The following COBL variants were observed in gnomAD, a reference collection of about 807,000 sequenced individuals.
COBL encodes cordon-bleu WH2 repeat protein, also known as protein cordon-bleu.
A neutral mutation model predicts 98.8 loss-of-function variants in COBL; 51 were observed. The ratio of observed to expected loss-of-function variants is 0.52; its 90% CI spans 0.41 to 0.65. COBL has a LOEUF of 0.65. COBL is among the 30% of genes least tolerant of loss of function. The pLI is 0.00. For synonymous variants in COBL, 634 were observed against 651.7 expected (o/e 0.97, Z 0.41); for missense variants, 1,617 against 1,617.5 (o/e 1.00, Z 0.01).
At chr7:51,130,578 C>G (rs1237638973) in intron 6 of COBL, among the ~76,000 whole-genome samples, 1 of 152,214 alleles carries the variant, frequency 6.6e-6, no homozygotes, top group Non-Finnish European at 1.5e-5. Flanking sequence ...AGAGAGGACA[C>G]TTGAGTCTGG....
intron 6 of COBL, among the ~76,000 whole-genome samples, chr7:51,114,181 C>A (rs1024541309): frequency 1.3e-5 from 2 of 152,084 alleles, no homozygotes; most frequent in African/African-American, 4.8e-5. Flanking sequence ...GAAGCTGGGG[C>A]GGCCCCTCCA....
At chr7:51,051,583 C>T (rs117617734) in intron 7 of COBL, among the ~76,000 whole-genome samples, 4 of 152,352 alleles carry the variant, frequency 2.6e-5, no homozygotes, top group Non-Finnish European at 5.9e-5. Flanking sequence ...AAATTGTCTA[C>T]CAACTCTTGG....
At chr7:51,066,393 G>C (rs1791928359) in intron 7 of COBL, among the ~76,000 whole-genome samples, 1 of 152,198 alleles carries the variant, frequency 6.6e-6, no homozygotes, top group South Asian at 2.1e-4. Flanking sequence ...GATATGAGCA[G>C]GGTTAGAGCC....
intron 7 of COBL, among the ~76,000 whole-genome samples, chr7:51,069,222 C>A (rs13243861): frequency 0.26 from 38,943 of 152,100 alleles, 6,021 homozygotes; most frequent in Non-Finnish European, 0.36. Context: ...AAGCGAAGGG[C>A]GCAGGGATGA....
chr7:51,263,961 A>G (rs1024102479), intron 1 of COBL, among the ~76,000 whole-genome samples: 3 of 152,190 alleles, frequency 2.0e-5, no homozygotes, highest in Non-Finnish European at 2.9e-5. Context: ...TAGTGTCCCA[A>G]CTAGTTTTCA....
chr7:51,298,721 T>C (rs762950880), intron 1 of COBL, among the ~76,000 whole-genome samples: 4 of 152,240 alleles, frequency 2.6e-5, no homozygotes, highest in Non-Finnish European at 5.9e-5. Flanking sequence ...AAATTTTCAC[T>C]GTTGACCCTG....
chr7:51,088,727 T>C (rs1372229880), intron 6 of COBL, among the ~76,000 whole-genome samples: 3 of 152,184 alleles, frequency 2.0e-5, no homozygotes, highest in Non-Finnish European at 2.9e-5. Flanking sequence ...GGATTCCCAG[T>C]GGGGATCTGG....
Position 51,028,332 on chromosome 7 carries a change from T to C in COBL, c.2764A>G (p.Thr922Ala). The C allele has an allele frequency of 6.2e-7, 1 of 1,614,228 alleles. No homozygotes were observed. Among genetic ancestry groups the C allele is most frequent in the Non-Finnish European group, 8.5e-7 (1 of 1,180,036 alleles). ...DDRTSSPHSE[T>A]QGWKDGAQWP... ...TGGGCACCATCCTTCCATCCTTGTG[T>C]CTCTGAGTGTGGGCTGGATGTCCTG... The change falls in exon 10 of 13, where the codon ACA becomes GCA. Residue 922 changes from threonine (T) to alanine (A), a missense_variant. Transcript: ENST00000265136.
chr7:51,056,361 GTGTCAAAAGGC>G lies in COBL; in HGVS notation c.1097-12680_1097-12670del, dbSNP rs200470103. Among the ~76,000 whole-genome samples, 1,054 of 151,904 alleles carry G rather than the reference GTGTCAAAAGGC, an allele frequency of 6.9e-3. 15 individuals are homozygous for G. Among genetic ancestry groups the G allele is most frequent in the South Asian group, 0.046 (220 of 4,752 alleles). On this transcript the variant is annotated intron_variant, in intron 7 of 12. Transcript: ENST00000265136. ...GCAGCAAAGAGCCTCTACATCCCAG[GTGTCAAAAGGC>G]TGTCAAAAGGCTAGTGAGAGGTGCC... is the stretch of plus-strand genomic sequence containing the variant.
chr7:51,287,455 A>G (rs945907885), intron 1 of COBL, among the ~76,000 whole-genome samples: 6 of 152,250 alleles, frequency 3.9e-5, no homozygotes, highest in Non-Finnish European at 7.3e-5. Context: ...AAGAATAGCT[A>G]AAATGAAACA....
intron 2 of COBL, among the ~76,000 whole-genome samples, chr7:51,198,146 G>A (rs1051515725): frequency 6.6e-6 from 1 of 152,146 alleles, no homozygotes; most frequent in Non-Finnish European, 1.5e-5. Context: ...GCTGGTAATG[G>A]TGTTTCCTTT....
intron 7 of COBL, chr7:51,083,042 A>C: frequency 1.3e-6 from 2 of 1,536,022 alleles, no homozygotes; most frequent in Non-Finnish European, 1.7e-6. Context: ...GTCGGAATGA[A>C]GCAAGAGGAA....
intron 5 of COBL, among the ~76,000 whole-genome samples, chr7:51,170,775 T>G (rs965958373): frequency 4.6e-5 from 7 of 151,818 alleles, no homozygotes; most frequent in Admixed American, 1.3e-4. Flanking sequence ...AGTAGAAGGA[T>G]GGGGAGAGAT....
At chr7:51,152,284 T>C (rs188569202) in intron 5 of COBL, among the ~76,000 whole-genome samples, 21 of 152,212 alleles carry the variant, frequency 1.4e-4, no homozygotes, top group African/African-American at 5.1e-4. Context: ...CATTTAACCA[T>C]AAGTCAAATA....
At chr7:51,117,458 T>C (rs1180038987) in intron 6 of COBL, among the ~76,000 whole-genome samples, 3 of 152,156 alleles carry the variant, frequency 2.0e-5, no homozygotes, top group Non-Finnish European at 4.4e-5. Context: ...TCACTGCCTT[T>C]TTCTTTTGTT....
chr7:51,156,818 C>T (rs936921400), intron 5 of COBL, among the ~76,000 whole-genome samples: 3 of 151,978 alleles, frequency 2.0e-5, no homozygotes, highest in African/African-American at 7.3e-5. Context: ...TTTCTTAACC[C>T]TTCTCCTTCC....
At chr7:51,062,310 G>T (rs1433900616) in intron 7 of COBL, among the ~76,000 whole-genome samples, 1 of 152,056 alleles carries the variant, frequency 6.6e-6, no homozygotes, top group Non-Finnish European at 1.5e-5. Context: ...GCGTCTGTGA[G>T]AGGTGGCAGG....
At chr7:51,118,497 T>G (rs898465196) in intron 6 of COBL, among the ~76,000 whole-genome samples, 6 of 152,054 alleles carry the variant, frequency 3.9e-5, no homozygotes, top group Non-Finnish European at 7.4e-5. Flanking sequence ...CACCTGCATT[T>G]CACAATCTTT....
At chr7:51,099,972 C>T (rs1016349976) in intron 6 of COBL, among the ~76,000 whole-genome samples, 2 of 152,130 alleles carry the variant, frequency 1.3e-5, no homozygotes, top group African/African-American at 2.4e-5. Context: ...AGCCCTGACT[C>T]GACCTTATAC....
Sources: allele counts gnomAD v4.1 joint callset (sites outside exome capture counted in the v4.1 genomes callset), GRCh38; gene constraint gnomAD v4.1.1; transcripts MANE v1.5; gene names NCBI Gene and HGNC (gene_info 2026-07-23, HGNC 2026-07-21).